The following PGS1 variants were observed in gnomAD, a reference collection of about 807,000 sequenced individuals.
PGS1 encodes phosphatidylglycerophosphate synthase 1, also known as CDP-diacylglycerol--glycerol-3-phosphate 3-phosphatidyltransferase, mitochondrial.
Under a neutral mutation model 58.3 loss-of-function variants are expected in PGS1, and 44 were observed. That is an observed-to-expected ratio of 0.75 (90% CI 0.59 to 0.97). PGS1 has a LOEUF of 0.97. Ranked by LOEUF, PGS1 falls within the 50% of genes least tolerant of loss-of-function variation. The pLI, the probability that PGS1 is intolerant of heterozygous loss-of-function variation, is 0.00. For synonymous variants in PGS1, 330 were observed against 311.0 expected, an observed-to-expected ratio of 1.06 and a Z score of -0.64; for missense variants, 684 against 731.1, an observed-to-expected ratio of 0.94 and a Z score of 0.74.
intron 1 of PGS1, among the ~76,000 whole-genome samples, chr17:78,381,449 T>G (rs963249647): frequency 1.3e-5 from 2 of 152,194 alleles, no homozygotes; most frequent in African/African-American, 4.8e-5. Flanking sequence ...TTCTTTGCCT[T>G]ATTCGGTTTG....
Position 78,399,324 on chromosome 17 carries a change from G to A in PGS1, c.512-24G>A, listed in dbSNP as rs746671983. 46 of 1,596,788 alleles carry A rather than the reference G, an allele frequency of 2.9e-5. No individual in the cohort carries two copies. The South Asian group carries it at 4.5e-4, about 16-fold the overall frequency. On this transcript the variant is annotated intron_variant, in intron 4 of 9. Coordinates refer to ENST00000262764, the MANE Select transcript of PGS1 (RefSeq NM_024419.5). ...GACGCCTTCCTGTTGTGAGTCAGGT[G>A]CCGTTTTCTCTGTCCGTGTTCAGGC... is the stretch of plus-strand genomic sequence containing the variant.
At chr17:78,411,795 C>T (rs1313310600) in intron 7 of PGS1, among the ~76,000 whole-genome samples, 1 of 151,802 alleles carries the variant, frequency 6.6e-6, no homozygotes, top group East Asian at 1.9e-4. Context: ...AGTCTTAGCC[C>T]TGTGTATACA....
chr17:78,389,053 C>CTTTTT (rs5822252), intron 1 of PGS1, among the ~76,000 whole-genome samples: 8,075 of 95,632 alleles, frequency 0.084, 484 homozygotes, highest in Middle Eastern at 0.12. Flanking sequence ...CCTCTTCTTC[C>CTTTTT]TTTTTTTTTT....
At chr17:78,390,464 C>T (rs1010556937) in intron 1 of PGS1, among the ~76,000 whole-genome samples, 2 of 152,180 alleles carry the variant, frequency 1.3e-5, no homozygotes, top group East Asian at 3.8e-4. Context: ...GACCGGTGGG[C>T]TTTCTGGGAA....
intron 2 of PGS1, among the ~76,000 whole-genome samples, chr17:78,393,871 A>G (rs1266897779): frequency 6.7e-6 from 1 of 150,276 alleles, no homozygotes; most frequent in Non-Finnish European, 1.5e-5. Flanking sequence ...CTGAGTTTGT[A>G]TTAGCAGTGA....
At chr17:78,419,873 T>G in intron 9 of PGS1, 198 bp downstream of exon 9, 3 of 1,326,542 alleles carry the variant, frequency 2.3e-6, no homozygotes, top group South Asian at 3.0e-5. Flanking sequence ...GTCTGTTCAC[T>G]TTCCATCTGG....
rs959789178 is a variant in PGS1 at position 78,406,273 on chromosome 17, G to A, written c.1402+2184G>A. 2.4e-4 allele frequency among the ~76,000 whole-genome samples: 37 copies of A among 152,084 alleles called. 1 individual carries two copies. The highest frequency in any genetic ancestry group is 7.9e-4 in the Admixed American group (12 of 15,276). On this transcript the variant is annotated intron_variant, in intron 7 of 9. Transcript: ENST00000262764. ...GTGGAGCTTGCAGTGAGCTGAGATC[G>A]TGCCACTGCATTCCAGCCTGGGCAA...
intron 5 of PGS1, 131 bp downstream of exon 5, chr17:78,399,668 C>A: frequency 2.4e-6 from 2 of 849,894 alleles, no homozygotes; most frequent in Non-Finnish European, 3.7e-6. Flanking sequence ...TGCTGTGCAC[C>A]CGCGGCACCT....
intron 3 of PGS1, 47 bp from the exon 4 acceptor site, chr17:78,398,205 A>G (rs776890768): frequency 3.0e-6 from 4 of 1,341,706 alleles, no homozygotes; most frequent in Non-Finnish European, 4.3e-6. Flanking sequence ...TTAAATACAC[A>G]CACCTCTTTG....
At chr17:78,409,834 G>A (rs1263237708) in intron 7 of PGS1, among the ~76,000 whole-genome samples, 4 of 152,220 alleles carry the variant, frequency 2.6e-5, no homozygotes, top group South Asian at 2.1e-4. Context: ...GCAAAGGCCT[G>A]GCGTGGTGGC....
chr17:78,403,562 C>T lies in PGS1; in HGVS notation c.881-6C>T. ...TCCCTTCACTCTTCTTTCACGTCTT[C>T]CCCAGGGGACCGGGCCGAGTACTGC... On this transcript the variant is annotated splice_polypyrimidine_tract_variant and splice_region_variant and intron_variant, in intron 6 of 9. Transcript: ENST00000262764. 1 of 1,607,164 alleles carries T rather than the reference C, an allele frequency of 6.2e-7. No homozygotes were observed. The highest frequency in any genetic ancestry group is 8.5e-7 in the Non-Finnish European group (1 of 1,174,448).
intron 1 of PGS1, chr17:78,382,831 G>A (rs1188148379): frequency 6.6e-6 from 1 of 151,892 alleles, no homozygotes; most frequent in East Asian, 1.9e-4. Context: ...AATTTTAGTA[G>A]AGACGGGGTT....
intron 3 of PGS1, chr17:78,397,977 G>C: frequency 1.8e-6 from 1 of 542,148 alleles, no homozygotes; most frequent in Non-Finnish European, 3.5e-6. Flanking sequence ...TTTCCAGGGT[G>C]GCACGGGCTG....
intron 1 of PGS1, among the ~76,000 whole-genome samples, chr17:78,390,853 G>A (rs1338284964): frequency 6.6e-6 from 1 of 152,170 alleles, no homozygotes; most frequent in Non-Finnish European, 1.5e-5. Context: ...GCAGCTTTAT[G>A]TGGTCGAGCT....
chr17:78,404,734 C>T (rs1312089311), intron 7 of PGS1, among the ~76,000 whole-genome samples: 1 of 152,164 alleles, frequency 6.6e-6, no homozygotes, highest in Non-Finnish European at 1.5e-5. Flanking sequence ...GATCTTGGCT[C>T]ACCGCAACCT....
Position 78,419,529 on chromosome 17 carries a change from C to T in PGS1, c.1552-17C>T. ...GGAGGGGACTCCTCACTATTCCTGTCTGTTCCTCTTCCTCAGGAGCAAGAG... is the reference window on the plus strand; with the variant it reads ...GGAGGGGACTCCTCACTATTCCTGTTTGTTCCTCTTCCTCAGGAGCAAGAG... On this transcript the variant is annotated splice_polypyrimidine_tract_variant and intron_variant, in intron 8 of 9. Transcript: ENST00000262764. 9 of 1,611,582 alleles carry T rather than the reference C, an allele frequency of 5.6e-6. No homozygotes were observed. The highest frequency in any genetic ancestry group is 7.6e-6 in the Non-Finnish European group (9 of 1,178,076).
intron 1 of PGS1, 67 bp downstream of exon 1, chr17:78,378,875 C>T (rs1215271846): frequency 1.1e-5 from 15 of 1,341,482 alleles, no homozygotes; most frequent in South Asian, 1.8e-5. Context: ...GGCGCTCAAA[C>T]TCCCGGCCCC....
At chr17:78,380,924 C>T (rs898949485) in intron 1 of PGS1, 5 of 151,920 alleles carry the variant, frequency 3.3e-5, no homozygotes, top group Non-Finnish European at 7.4e-5. Context: ...CGGCTCAGTG[C>T]AACCTCTACC....
chr17:78,415,745 GACCCT>G (rs2085126983), intron 8 of PGS1, among the ~76,000 whole-genome samples: 1 of 152,234 alleles, frequency 6.6e-6, no homozygotes, highest in Non-Finnish European at 1.5e-5. Context: ...GCTTCGGGAT[GACCCT>G]CTATTTGATG....
Sources: gnomAD v4.1 joint callset for allele counts (sites outside exome capture counted in the v4.1 genomes callset) on GRCh38, gnomAD v4.1.1 for gene constraint, MANE v1.5 for transcripts, NCBI Gene and HGNC (gene_info 2026-07-23, HGNC 2026-07-21) for gene names.